Variants in STATH observed in about 807,000 individuals in gnomAD.
STATH encodes the protein statherin.
STATH carries 11 observed loss-of-function variants against 13.3 expected under a neutral mutation model. The observed-to-expected ratio is 0.83, with a 90% confidence interval of 0.52 to 1.37. STATH has a LOEUF of 1.37. Ranked by LOEUF, STATH falls within the 40% of genes most tolerant of loss-of-function variation. The pLI is 0.00. For missense variants in STATH, 78 were observed against 73.3 expected (o/e 1.06, Z -0.24); for synonymous variants, 25 against 23.6 (o/e 1.06, Z -0.17).
chr4:69,997,178 A>G (rs945896063), intron 1 of STATH, among the ~76,000 whole-genome samples: 2 of 151,816 alleles, frequency 1.3e-5, no homozygotes, highest in East Asian at 3.9e-4. Flanking sequence ...ACTCCTGACC[A>G]CAGGTGATCT....
intron 4 of STATH, 72 bp downstream of exon 4, chr4:69,999,881 AC>A: frequency 6.5e-7 from 1 of 1,544,632 alleles, no homozygotes. Flanking sequence ...TTCTAGAAGA[AC>A]CAATACTTAT....
At chr4:69,998,620 C>T (rs1404073651) in intron 2 of STATH, 132 bp downstream of exon 2, 3 of 675,350 alleles carry the variant, frequency 4.4e-6, no homozygotes, top group African/African-American at 1.8e-5. Flanking sequence ...TCCATATGAA[C>T]TTTTTTTTGT....
chr4:69,997,961 T>C (rs1176632339), intron 1 of STATH, among the ~76,000 whole-genome samples: 1 of 152,128 alleles, frequency 6.6e-6, no homozygotes, highest in Non-Finnish European at 1.5e-5. Flanking sequence ...CCCCATAATA[T>C]CCAGTTCTAT....
intron 4 of STATH, chr4:70,000,080 A>C: frequency 2.4e-6 from 1 of 415,532 alleles, no homozygotes; most frequent in East Asian, 3.9e-5. Flanking sequence ...TTGACCTAAA[A>C]AATAGTTGAA....
At chr4:69,996,835 T>C (rs1450650100) in intron 1 of STATH, among the ~76,000 whole-genome samples, 1 of 151,224 alleles carries the variant, frequency 6.6e-6, no homozygotes, top group African/African-American at 2.4e-5. Context: ...TTTTGCATCA[T>C]AAAATGACTG....
At chr4:69,996,927 C>CTTTTTTTT (rs34282662) in intron 1 of STATH, among the ~76,000 whole-genome samples, 3 of 107,584 alleles carry the variant, frequency 2.8e-5, no homozygotes, top group African/African-American at 7.3e-5. Flanking sequence ...CAGAAATTTC[C>CTTTTTTTT]TTTTTTTTTT....
At chr4:70,000,005 T>C in intron 4 of STATH, 196 bp downstream of exon 4, 1 of 629,608 alleles carries the variant, frequency 1.6e-6, no homozygotes, top group Non-Finnish European at 2.7e-6. Context: ...TTGAAACTCA[T>C]AGTGCCAACC....
intron 5 of STATH, among the ~76,000 whole-genome samples, 184 bp from the exon 6 acceptor site, chr4:70,002,001 TTTTA>T (rs775814445): frequency 2.6e-5 from 4 of 151,834 alleles, no homozygotes; most frequent in African/African-American, 7.2e-5. Flanking sequence ...GAATGATAAT[TTTTA>T]TTTATTCAGG....
intron 5 of STATH, 45 bp downstream of exon 5, chr4:70,001,027 C>T: frequency 4.5e-6 from 6 of 1,346,862 alleles, no homozygotes; most frequent in Non-Finnish European, 5.3e-6. Context: ...TGTATCAGTG[C>T]TGACAGTTAA....
chr4:70,000,744 AAATCTTATAAGT>A, intron 4 of STATH, 107 bp from the exon 5 acceptor site: 1 of 727,858 alleles, frequency 1.4e-6, no homozygotes, highest in Non-Finnish European at 2.3e-6. Flanking sequence ...GTTTGGAAAA[AAATCTTATAAGT>A]AATATGTAAG....
intron 2 of STATH, 93 bp downstream of exon 2, chr4:69,998,581 T>C (rs777840238): frequency 4.6e-6 from 5 of 1,094,312 alleles, no homozygotes; most frequent in Non-Finnish European, 6.6e-6. Flanking sequence ...TGGTGTTTAC[T>C]TGAATACAGC....
Position 69,997,082 on chromosome 4 carries a change from C to T in STATH, c.-16+1057C>T, listed in dbSNP as rs567106737. 8.6e-5 allele frequency among the ~76,000 whole-genome samples: 13 copies of T among 151,936 alleles called. 1 individual carries two copies. In the South Asian group the frequency reaches 2.7e-3, roughly 32 times the overall value. On this transcript the variant is annotated intron_variant, in intron 1 of 5. Transcript: ENST00000246895. ...CTTCCTAAGTAGCTGGGATTATAGG[C>T]ACTCACCACCATGCCCAGCTAAATT...
chr4:69,998,139 G>A (rs185044883), intron 1 of STATH, among the ~76,000 whole-genome samples: 2 of 152,142 alleles, frequency 1.3e-5, no homozygotes, highest in East Asian at 3.9e-4. Flanking sequence ...TCCAACTCAA[G>A]CTTTACTTTC....
intron 1 of STATH, among the ~76,000 whole-genome samples, chr4:69,996,316 G>C (rs1460772953): frequency 6.6e-6 from 1 of 152,042 alleles, no homozygotes; most frequent in African/African-American, 2.4e-5. Flanking sequence ...CCTTGTCTAC[G>C]TACTGGCATC....
chr4:70,000,868 G>A lies in STATH; in HGVS notation c.108G>A (p.Gly36=), dbSNP rs1328882666. The part of the protein sequence containing the change: ...FLRRIGRFGY[G]YGPYQPVPEQ... The stretch of plus-strand genomic sequence containing the variant: ...TTCTCCTTGTGTGTATACAGTATGG[G>A]TATGGCCCTTATCAGCCAGTTCCAG... The change falls in exon 5 of 6, where the codon GGG becomes GGA. Residue 36 remains glycine (G), a synonymous_variant. Coordinates refer to ENST00000246895, the MANE Select transcript of STATH (RefSeq NM_003154.3). The A allele has an allele frequency of 2.5e-6, 4 of 1,611,480 alleles. No homozygotes were observed. The highest frequency in any genetic ancestry group is 3.4e-6 in the Non-Finnish European group (4 of 1,178,246).
At chr4:70,001,853 G>A (rs1435299905) in intron 5 of STATH, among the ~76,000 whole-genome samples, 3 of 151,664 alleles carry the variant, frequency 2.0e-5, no homozygotes, top group Non-Finnish European at 4.4e-5. Context: ...TTAGGTAATA[G>A]CTGATGACAT....
intron 2 of STATH, 142 bp from the exon 3 acceptor site, chr4:69,999,525 C>G: frequency 2.7e-6 from 2 of 736,304 alleles, no homozygotes; most frequent in Non-Finnish European, 4.4e-6. Context: ...TGTCATGAAG[C>G]AAAAATAACT....
chr4:69,998,085 A>G (rs1472239959), intron 1 of STATH, among the ~76,000 whole-genome samples: 1 of 151,356 alleles, frequency 6.6e-6, no homozygotes, highest in African/African-American at 2.4e-5. Flanking sequence ...CCTCTTTTTC[A>G]TTTTCTTGCA....
chr4:69,999,911 A>G, intron 4 of STATH, 102 bp downstream of exon 4: 1 of 1,316,524 alleles, frequency 7.6e-7, no homozygotes, highest in Non-Finnish European at 1.1e-6. Context: ...TATGTGTAGT[A>G]GTTGCAAAAG....
Sources: gnomAD v4.1 joint callset for allele counts (sites outside exome capture counted in the v4.1 genomes callset) on GRCh38, gnomAD v4.1.1 for gene constraint, MANE v1.5 for transcripts, NCBI Gene and HGNC (gene_info 2026-07-23, HGNC 2026-07-21) for gene names.